The following SLC39A12 variants were observed in gnomAD, a reference collection of about 807,000 sequenced individuals.
The protein encoded by SLC39A12 is solute carrier family 39 member 12, also known as zinc transporter ZIP12.
A neutral mutation model predicts 71.1 loss-of-function variants in SLC39A12; 63 were observed. The observed-to-expected ratio is 0.89, with a 90% CI of 0.72 to 1.09. SLC39A12 has a LOEUF of 1.09. SLC39A12 is among the 50% of genes least tolerant of loss of function. The pLI is 0.00. For missense variants in SLC39A12, 892 were observed against 812.6 expected (o/e 1.10, Z -1.19); for synonymous variants, 351 against 301.3 (o/e 1.16, Z -1.71).
At chr10:17,957,977 A>G (rs904669472) in intron 2 of SLC39A12, among the ~76,000 whole-genome samples, 4 of 152,206 alleles carry the variant, frequency 2.6e-5, no homozygotes, top group African/African-American at 9.6e-5. Flanking sequence ...GGTTACCAAA[A>G]TCTCTGTTCC....
At chr10:17,978,920 T>A (rs1436750079) in intron 5 of SLC39A12, among the ~76,000 whole-genome samples, 1 of 152,170 alleles carries the variant, frequency 6.6e-6, no homozygotes, top group Non-Finnish European at 1.5e-5. Flanking sequence ...TGGGAACTTG[T>A]TGGAAATGTA....
chr10:17,955,857 G>A (rs1213651739), intron 2 of SLC39A12, among the ~76,000 whole-genome samples: 2 of 152,160 alleles, frequency 1.3e-5, no homozygotes, highest in Non-Finnish European at 2.9e-5. Flanking sequence ...GTAGAATATA[G>A]TTTTAATGAA....
chr10:18,033,160 C>T, intron 12 of SLC39A12, among the ~76,000 whole-genome samples: 1 of 138,680 alleles, frequency 7.2e-6, no homozygotes, highest in East Asian at 2.2e-4. Flanking sequence ...TGATGCTGGC[C>T]TCATAAAATG....
chr10:17,966,662 G>A (rs547794551), intron 4 of SLC39A12, among the ~76,000 whole-genome samples: 3 of 151,814 alleles, frequency 2.0e-5, no homozygotes, highest in Non-Finnish European at 2.9e-5. Flanking sequence ...AATTGATAAC[G>A]ATTCCTTAAT....
At chr10:17,984,770 A>C (rs1835358896) in intron 6 of SLC39A12, among the ~76,000 whole-genome samples, 1 of 152,258 alleles carries the variant, frequency 6.6e-6, no homozygotes, top group Non-Finnish European at 1.5e-5. Context: ...ATTGTTGTGC[A>C]ATAGATAATA....
chr10:18,037,260 T>A (rs1837078731), intron 12 of SLC39A12, among the ~76,000 whole-genome samples: 1 of 152,230 alleles, frequency 6.6e-6, no homozygotes, highest in South Asian at 2.1e-4. Context: ...GATTGCATCA[T>A]GTATTTTATC....
Position 17,968,664 on chromosome 10 carries a change from G to A in SLC39A12, c.751+2974G>A, listed in dbSNP as rs190844060. Among the ~76,000 whole-genome samples the A allele has an allele frequency of 1.3e-3, 194 of 151,504 alleles. 3 individuals are homozygous for A. The highest frequency in any genetic ancestry group is 0.01 in the Admixed American group (159 of 15,210). ...TTTCTTTTTCTTTTTTCAAATTTTT[G>A]TGGGTACATAGTAGGTGTATGTATT... On this transcript the variant is annotated intron_variant, in intron 4 of 12. Coordinates refer to ENST00000377369, the MANE Select transcript of SLC39A12 (RefSeq NM_001145195.2).
chr10:17,967,014 T>TA (rs537690019), intron 4 of SLC39A12, among the ~76,000 whole-genome samples: 36 of 152,256 alleles, frequency 2.4e-4, no homozygotes, highest in South Asian at 1.9e-3. Flanking sequence ...TTTCATAATT[T>TA]AAAAAAATTA....
Position 17,987,497 on chromosome 10 carries a change from T to C in SLC39A12, c.1115T>C (p.Val372Ala). The change falls in exon 7 of 13, where the codon GTG (valine) becomes GCG (alanine). Residue 372 changes from valine (V) to alanine (A), a missense_variant. Physicochemically the swap from Val to Ala is moderately conservative, Grantham distance 64. Coordinates refer to ENST00000377369, the MANE Select transcript of SLC39A12 (RefSeq NM_001145195.2). ...GACTTAGAATACGGCTACAGCACGG[T>C]GGCTGTCACCCTTCTCACACTGGGC... ...TTLEKYGYST[V>A]AVTLLTLGSM... 6.2e-7 allele frequency: 1 copy of C among 1,614,000 alleles called. No individual in the cohort carries two copies. Among genetic ancestry groups the C allele is most frequent in the Non-Finnish European group, 8.5e-7 (1 of 1,179,980 alleles).
rs1835805858 is a variant in SLC39A12, at chr10:18,000,601, TTG to T, written c.1601-65_1601-64del. On this transcript the variant is annotated intron_variant, in intron 10 of 12. Coordinates refer to ENST00000377369, the MANE Select transcript of SLC39A12 (RefSeq NM_001145195.2). Reference sequence around the variant, plus strand: ...GTGTAGGTGGGAAGGTTGGTTGGTTTTGAAGGATTTGGTGAAATATGTAGTGC... The same window carrying T: ...GTGTAGGTGGGAAGGTTGGTTGGTTTAAGGATTTGGTGAAATATGTAGTGC... 4.9e-4 allele frequency: 736 copies of T among 1,517,136 alleles called. 10 individuals carry two copies. In the South Asian group the frequency reaches 7.7e-3, roughly 16 times the overall value. The allele number at this position is 1,517,136 out of a possible 1,614,324, so 94.0% of individuals were successfully genotyped here.
intron 12 of SLC39A12, among the ~76,000 whole-genome samples, chr10:18,019,458 T>G (rs1836470894): frequency 6.6e-6 from 1 of 152,026 alleles, no homozygotes; most frequent in South Asian, 2.1e-4. Flanking sequence ...TTTTTCTAGT[T>G]TCCTAAGAAG....
intron 3 of SLC39A12, among the ~76,000 whole-genome samples, chr10:17,964,736 G>C (rs1834778648): frequency 6.6e-6 from 1 of 152,242 alleles, no homozygotes. Flanking sequence ...ATGAGAAGTA[G>C]AGGGGCCCTG....
intron 12 of SLC39A12, among the ~76,000 whole-genome samples, chr10:18,023,727 G>C (rs936354267): frequency 6.6e-6 from 1 of 152,172 alleles, no homozygotes; most frequent in Non-Finnish European, 1.5e-5. Flanking sequence ...CCAGCCCAAG[G>C]GTAGCAAGGG....
intron 10 of SLC39A12, among the ~76,000 whole-genome samples, chr10:17,999,803 G>A (rs371110702): frequency 4.8e-4 from 73 of 152,166 alleles, no homozygotes; most frequent in East Asian, 1.9e-3. Context: ...TCGTGGTTCC[G>A]TTGAAGTCAC....
Position 17,966,938 on chromosome 10 carries a change from C to A in SLC39A12, c.751+1248C>A, listed in dbSNP as rs114890407. ...GCGGTATGTCGAGATTGCGCCACTG[C>A]ACTCCACCTTTCAAGACAGAGCGAG... On this transcript the variant is annotated intron_variant, in intron 4 of 12. Coordinates refer to ENST00000377369, the MANE Select transcript of SLC39A12 (RefSeq NM_001145195.2). 3.1e-3 allele frequency among the ~76,000 whole-genome samples: 474 copies of A among 151,864 alleles called. 2 individuals are homozygous for A. The highest frequency in any genetic ancestry group is 0.011 in the African/African-American group (446 of 41,410).
intron 6 of SLC39A12, among the ~76,000 whole-genome samples, chr10:17,985,663 A>T (rs1176455689): frequency 6.6e-6 from 1 of 152,200 alleles, no homozygotes; most frequent in Admixed American, 6.5e-5. Flanking sequence ...ATCTACAAGC[A>T]GATGAAAATG....
chr10:18,035,474 C>T (rs1331298819), intron 12 of SLC39A12, among the ~76,000 whole-genome samples: 1 of 145,250 alleles, frequency 6.9e-6, no homozygotes, highest in East Asian at 2.0e-4. Context: ...TCACGTAGTT[C>T]TCGAGCCTTG....
intron 10 of SLC39A12, among the ~76,000 whole-genome samples, chr10:17,998,963 G>A (rs1490842595): frequency 6.7e-6 from 1 of 149,550 alleles, no homozygotes; most frequent in African/African-American, 2.4e-5. Flanking sequence ...TTTTTATTGA[G>A]CACAATTATT....
chr10:18,030,809 C>T (rs1412926510), intron 12 of SLC39A12, among the ~76,000 whole-genome samples: 1 of 120,706 alleles, frequency 8.3e-6, no homozygotes, highest in East Asian at 2.7e-4. Context: ...CCCCCCACCC[C>T]ACCACAGTCC....
Sources: allele counts gnomAD v4.1 joint callset (sites outside exome capture counted in the v4.1 genomes callset), GRCh38; gene constraint gnomAD v4.1.1; transcripts MANE v1.5; gene names NCBI Gene and HGNC (gene_info 2026-07-23, HGNC 2026-07-21).